Variants in PPP1R14C observed in about 807,000 individuals in gnomAD.
The protein encoded by PPP1R14C is protein phosphatase 1 regulatory subunit 14C.
Under a neutral mutation model 20.4 loss-of-function variants are expected in PPP1R14C, and 16 were observed. The observed-to-expected ratio is 0.78, with a 90% CI of 0.53 to 1.19. PPP1R14C has a LOEUF of 1.19. Ranked by LOEUF, PPP1R14C falls within the 50% of genes most tolerant of loss-of-function variation. The pLI is 0.00. For synonymous variants in PPP1R14C, 91 were observed against 91.0 expected, an observed-to-expected ratio of 1.00 and a Z score of 0.00; for missense variants, 211 against 220.1, an observed-to-expected ratio of 0.96 and a Z score of 0.26.
intron 1 of PPP1R14C, among the ~76,000 whole-genome samples, chr6:150,186,301 A>G (rs1777676349): frequency 6.6e-6 from 1 of 152,166 alleles, no homozygotes; most frequent in East Asian, 1.9e-4. Context: ...ATCCACTTTG[A>G]AGGATATAAT....
intron 1 of PPP1R14C, among the ~76,000 whole-genome samples, chr6:150,179,645 TA>T (rs569639979): frequency 7.6e-4 from 110 of 144,222 alleles, no homozygotes; most frequent in East Asian, 1.0e-3. Flanking sequence ...CATGGGCTGT[TA>T]AAAAAAAAAA....
intron 1 of PPP1R14C, among the ~76,000 whole-genome samples, chr6:150,205,804 A>T (rs1027959591): frequency 2.1e-4 from 32 of 151,442 alleles, no homozygotes; most frequent in African/African-American, 5.1e-4. Flanking sequence ...AAAAAAAAAA[A>T]AATAATGGAA....
intron 1 of PPP1R14C, among the ~76,000 whole-genome samples, chr6:150,176,565 T>C (rs1406016099): frequency 6.6e-6 from 1 of 152,228 alleles, no homozygotes; most frequent in Non-Finnish European, 1.5e-5. Context: ...TTGAAGGAAC[T>C]GCTGTTAGTC....
rs1021589253 is a variant in PPP1R14C, at chr6:150,249,585, C to G, written c.*765C>G. Reference sequence around the variant, plus strand: ...TGTAGTCTTTTAAAGTTGTATGAACCCTTAATTTGAAGAACTAACTTGATT... The same window carrying G: ...TGTAGTCTTTTAAAGTTGTATGAACGCTTAATTTGAAGAACTAACTTGATT... On this transcript the variant is annotated 3_prime_UTR_variant, in exon 4 of 4. Transcript: ENST00000361131. The G allele has an allele frequency of 2.2e-4, 86 of 398,222 alleles. No individual in the cohort carries two copies. The highest frequency in any genetic ancestry group is 1.3e-3 in the East Asian group (36 of 28,076). The allele number at this position is 398,222 out of a possible 1,614,324, so 24.7% of individuals were successfully genotyped here.
At chr6:150,155,747 G>T (rs1777298121) in intron 1 of PPP1R14C, among the ~76,000 whole-genome samples, 1 of 152,036 alleles carries the variant, frequency 6.6e-6, no homozygotes, top group Middle Eastern at 3.2e-3. Flanking sequence ...AATCCTGGCT[G>T]GGCACGGTGG....
intron 1 of PPP1R14C, among the ~76,000 whole-genome samples, chr6:150,183,000 T>TA (rs1259758377): frequency 3.3e-5 from 5 of 152,240 alleles, no homozygotes; most frequent in Admixed American, 6.5e-5. Flanking sequence ...AAAAGTGCAG[T>TA]AAAAATATGG....
chr6:150,160,256 CTTTTTTTTTTTTTT>C lies in PPP1R14C; in HGVS notation c.306+16771_306+16784del, dbSNP rs535189665. ...AGAAAATCACTATGTGTAGCTCATT[CTTTTTTTTTTTTTT>C]TTTTTTTTTTTTGAGACGGAGTCTT... On this transcript the variant is annotated intron_variant, in intron 1 of 3. Coordinates refer to ENST00000361131, the MANE Select transcript of PPP1R14C (RefSeq NM_030949.3). Among the ~76,000 whole-genome samples the C allele has an allele frequency of 6.0e-4, 61 of 100,906 alleles. 1 individual carries two copies. The highest frequency in any genetic ancestry group is 1.9e-3 in the East Asian group (5 of 2,626). The allele number at this position is 100,906 out of a possible 152,430, so 66.2% of individuals were successfully genotyped here. A position where few individuals can be genotyped will look rare whatever the true frequency, so the allele number is the denominator to read the frequency against.
chr6:150,152,310 G>A (rs1451804594), intron 1 of PPP1R14C, among the ~76,000 whole-genome samples: 2 of 152,154 alleles, frequency 1.3e-5, no homozygotes, highest in Admixed American at 6.5e-5. Context: ...CCTGGGTTGG[G>A]CCTCCCGCTC....
intron 1 of PPP1R14C, among the ~76,000 whole-genome samples, chr6:150,160,122 C>A (rs1331010634): frequency 1.3e-5 from 2 of 152,168 alleles, no homozygotes; most frequent in Non-Finnish European, 2.9e-5. Context: ...ATCCTGTCAA[C>A]GTGGCTTATT....
intron 3 of PPP1R14C, among the ~76,000 whole-genome samples, chr6:150,218,064 C>A (rs1239917790): frequency 6.6e-6 from 1 of 152,108 alleles, no homozygotes; most frequent in Non-Finnish European, 1.5e-5. Flanking sequence ...TTGAGTGCAG[C>A]AGTTCAAGAC....
intron 1 of PPP1R14C, among the ~76,000 whole-genome samples, chr6:150,168,820 T>C (rs1777466549): frequency 6.6e-6 from 1 of 152,204 alleles, no homozygotes; most frequent in East Asian, 1.9e-4. Flanking sequence ...AATTTAAAAA[T>C]TTAGTAACAT....
rs1227762205 is a variant in PPP1R14C at position 150,201,587 on chromosome 6, ACT to A, written c.307-13156_307-13155del. Among the ~76,000 whole-genome samples the A allele has an allele frequency of 6.6e-6, 1 of 152,048 alleles. No individual in the cohort carries two copies. The highest frequency in any genetic ancestry group is 2.1e-4 in the South Asian group (1 of 4,818). The stretch of plus-strand genomic sequence containing the variant: ...GGGAAGCCTTCCAGGCAGAGGTAAG[ACT>A]GTTGGTCCTAAGACTGGTAGGAAGC... On this transcript the variant is annotated intron_variant, in intron 1 of 3. Coordinates refer to ENST00000361131, the MANE Select transcript of PPP1R14C (RefSeq NM_030949.3). This position sits in a 1 kb window ranked among gnomAD's most constrained non-coding sequence, Gnocchi z 4.2.
intron 1 of PPP1R14C, among the ~76,000 whole-genome samples, chr6:150,171,474 C>T (rs1160638705): frequency 6.6e-6 from 1 of 152,196 alleles, no homozygotes; most frequent in Non-Finnish European, 1.5e-5. Context: ...GACCTTTCTG[C>T]CTGACACACT....
intron 3 of PPP1R14C, among the ~76,000 whole-genome samples, chr6:150,218,485 C>CG (rs1491450929): frequency 4.8e-5 from 6 of 125,704 alleles, no homozygotes; most frequent in African/African-American, 1.4e-4. Context: ...CCCCCCCCCC[C>CG]AAAAAAAAAT....
At chr6:150,171,384 G>C (rs766308828) in intron 1 of PPP1R14C, among the ~76,000 whole-genome samples, 6 of 152,168 alleles carry the variant, frequency 3.9e-5, no homozygotes, top group Non-Finnish European at 8.8e-5. Flanking sequence ...TTTTGTTTGA[G>C]CATAACAACA....
intron 2 of PPP1R14C, 68 bp downstream of exon 2, chr6:150,214,895 G>A: frequency 8.7e-7 from 1 of 1,147,050 alleles, no homozygotes; most frequent in Non-Finnish European, 1.3e-6. Context: ...GGTCTTCAGT[G>A]CTTGGCATCA....
chr6:150,211,058 G>A (rs972210948), intron 1 of PPP1R14C, among the ~76,000 whole-genome samples: 18 of 152,120 alleles, frequency 1.2e-4, no homozygotes, highest in Non-Finnish European at 5.9e-5. Flanking sequence ...CTGTCATTCC[G>A]CAAGGTCAGT....
At chr6:150,159,171 C>G (rs147648151) in intron 1 of PPP1R14C, among the ~76,000 whole-genome samples, 1 of 152,300 alleles carries the variant, frequency 6.6e-6, no homozygotes, top group East Asian at 1.9e-4. Context: ...TATCATCAGC[C>G]ATTCCTTTGT....
chr6:150,174,965 CAA>C (rs34296938), intron 1 of PPP1R14C, among the ~76,000 whole-genome samples: 16,551 of 120,790 alleles, frequency 0.14, 1,285 homozygotes, highest in East Asian at 0.47. Flanking sequence ...GATTCTGTCT[CAA>C]AAAAAAAAAA....
Sources: gnomAD v4.1 joint callset for allele counts (sites outside exome capture counted in the v4.1 genomes callset) on GRCh38, gnomAD v4.1.1 for gene constraint, Gnocchi (gnomAD v3.1) non-coding constraint, MANE v1.5 for transcripts, NCBI Gene and HGNC (gene_info 2026-07-23, HGNC 2026-07-21) for gene names.